TRIM13: variants seen among roughly 807,000 people sequenced by gnomAD.
TRIM13 encodes the protein tripartite motif containing 13.
In TRIM13, 15 loss-of-function variants were observed where a neutral mutation model predicts 27.1. That is an observed-to-expected ratio of 0.55 (90% confidence interval 0.37 to 0.85). The LOEUF (loss-of-function observed/expected upper bound fraction) is 0.85, where lower values mean the gene tolerates loss of function less well. Ranked by LOEUF, TRIM13 falls within the 40% of genes least tolerant of loss-of-function variation. TRIM13 has a pLI of 0.00. For missense variants in TRIM13, 402 were observed against 472.2 expected (o/e 0.85, Z 1.38); for synonymous variants, 193 against 171.5 (o/e 1.13, Z -0.98).
Position 50,012,354 on chromosome 13 carries a change from A to G in TRIM13, c.414A>G (p.Glu138=). The change falls in exon 2 of 2, where the codon GAA becomes GAG. Residue 138 remains glutamate, a synonymous_variant. Coordinates refer to ENST00000378182, the MANE Select transcript of TRIM13 (RefSeq NM_213590.3). ...CTATTGAAGATGCCTATGCTCAGGAAAGGGATGCCTTTGAGTCCCTCTTCC... is the reference window on the plus strand; with the variant it reads ...CTATTGAAGATGCCTATGCTCAGGAGAGGGATGCCTTTGAGTCCCTCTTCC... ...FCSIEDAYAQ[E]RDAFESLFQS... is the part of the protein sequence containing the mutation. 6.2e-7 allele frequency: 1 copy of G among 1,614,128 alleles called. No individual in the cohort carries two copies. The highest frequency in any genetic ancestry group is 8.5e-7 in the Non-Finnish European group (1 of 1,180,006).
chr13:50,009,455 G>A (rs551802600), intron 1 of TRIM13, among the ~76,000 whole-genome samples: 1 of 152,146 alleles, frequency 6.6e-6, no homozygotes, highest in East Asian at 1.9e-4. Context: ...AAAAATCCAC[G>A]GCCAGGCGCG....
rs761736568 is a variant in TRIM13, at chr13:50,015,460, CTGA to C, written c.*2299_*2301del. 3 of 1,471,926 alleles carry C rather than the reference CTGA, an allele frequency of 2.0e-6. No individual in the cohort carries two copies. In the African/African-American group the frequency reaches 4.2e-5, roughly 21 times the overall value. The allele number at this position is 1,471,926 out of a possible 1,614,324, so 91.2% of individuals were successfully genotyped here. On this transcript the variant is annotated 3_prime_UTR_variant, in exon 2 of 2. Coordinates refer to ENST00000378182, the MANE Select transcript of TRIM13 (RefSeq NM_213590.3). The stretch of plus-strand genomic sequence containing the variant: ...TTATAGGTTGATTTCCTAAGTGTGG[CTGA>C]TGGTAGCCTCTAGTTTGAAGTGAGG...
At chr13:50,001,407 G>A (rs1874027176) in intron 1 of TRIM13, among the ~76,000 whole-genome samples, 2 of 152,060 alleles carry the variant, frequency 1.3e-5, no homozygotes, top group African/African-American at 4.8e-5. Context: ...GGTAATGAGT[G>A]ACCTGGTTTA....
In TRIM13 at chr13:49,997,414, C is replaced by T. The variant is rs1009943106; in HGVS notation, c.-356C>T. ...CCTGGCCCCGCTACCAGCGTCTCCA[C>T]ATCCCCTAGAAAAGAAAAGACGGGT... On this transcript the variant is annotated 5_prime_UTR_variant, in exon 1 of 2. Coordinates refer to ENST00000378182, the MANE Select transcript of TRIM13 (RefSeq NM_213590.3). 2.6e-5 allele frequency: 4 copies of T among 152,250 alleles called. No individual in the cohort carries two copies. Among genetic ancestry groups the T allele is most frequent in the African/African-American group, 9.6e-5 (4 of 41,458 alleles). The allele number at this position is 152,250 out of a possible 1,614,324, so 9.4% of individuals were successfully genotyped here. A position where few individuals can be genotyped will look rare whatever the true frequency, so the allele number is the denominator to read the frequency against.
rs1223177030 is a variant in TRIM13, at chr13:50,015,098, T to A, written c.*1934T>A. ...AATAAAAAAAAAAAAAAAAAAAATA[T>A]ATATATATATATATATATATATATA... On this transcript the variant is annotated 3_prime_UTR_variant, in exon 2 of 2. Transcript: ENST00000378182. The A allele has an allele frequency of 0.037, 121 of 3,308 alleles. 2 individuals carry two copies. Among genetic ancestry groups the A allele is most frequent in the African/African-American group, 0.074 (111 of 1,498 alleles). The allele number at this position is 3,308 out of a possible 1,614,324, so 0.2% of individuals were successfully genotyped here.
chr13:49,997,373 C>T lies in TRIM13; in HGVS notation c.-397C>T, dbSNP rs191597442. 2 of 152,522 alleles carry T rather than the reference C, an allele frequency of 1.3e-5. No individual in the cohort carries two copies. The highest frequency in any genetic ancestry group is 2.9e-5 in the Non-Finnish European group (2 of 68,264). 9.4% of individuals were successfully genotyped at this position (152,522 alleles called of 1,614,324 possible). The stretch of plus-strand genomic sequence containing the variant: ...GTGTGTCTGTGGTCCAGAAAACCTG[C>T]TCCGTCCGGAGCCTTCCTGGCCCCG... On this transcript the variant is annotated 5_prime_UTR_variant, in exon 1 of 2. Transcript: ENST00000378182.
Position 50,015,133 on chromosome 13 carries a change from A to AG in TRIM13, c.*1969_*1970insG, listed in dbSNP as rs1876357685. The AG allele has an allele frequency of 1.1e-5, 1 of 89,580 alleles. No individual in the cohort carries two copies. The highest frequency in any genetic ancestry group is 2.2e-5 in the Non-Finnish European group (1 of 44,842). 5.5% of individuals were successfully genotyped at this position (89,580 alleles called of 1,614,324 possible). A position where few individuals can be genotyped will look rare whatever the true frequency, so the allele number is the denominator to read the frequency against. ...TATATATATATATATATATATATAT[A>AG]TATATATATATATATATAGTTTTAC... On this transcript the variant is annotated 3_prime_UTR_variant, in exon 2 of 2. Transcript: ENST00000378182.
chr13:50,008,106 T>G (rs923586254), intron 1 of TRIM13, among the ~76,000 whole-genome samples: 1 of 151,954 alleles, frequency 6.6e-6, no homozygotes, highest in African/African-American at 2.4e-5. Context: ...GGGGTTTTAC[T>G]GTGTTAGCCA....
chr13:50,002,751 C>G (rs2490636), intron 1 of TRIM13, among the ~76,000 whole-genome samples: 5 of 151,708 alleles, frequency 3.3e-5, no homozygotes, highest in Non-Finnish European at 1.5e-5. Context: ...CAACCTCTGC[C>G]GCCTGGGTTC....
At position 50,018,271 on chromosome 13, in the gene TRIM13, C is replaced by T. The variant is rs1876867075; in HGVS notation, c.*5107C>T. 1 of 166,940 alleles carries T rather than the reference C, an allele frequency of 6.0e-6. No individual in the cohort carries two copies. The highest frequency in any genetic ancestry group is 6.5e-5 in the Admixed American group (1 of 15,268). 10.3% of individuals were successfully genotyped at this position (166,940 alleles called of 1,614,324 possible). A position where few individuals can be genotyped will look rare whatever the true frequency, so the allele number is the denominator to read the frequency against. On this transcript the variant is annotated 3_prime_UTR_variant, in exon 2 of 2. Transcript: ENST00000378182. ...CTAGGTGATGTCTTGCAAGTACGTTCCACTTTGTTACAATCTACTATCTGT... is the reference window on the plus strand; with the variant it reads ...CTAGGTGATGTCTTGCAAGTACGTTTCACTTTGTTACAATCTACTATCTGT...
chr13:50,007,198 C>CT (rs1469885840), intron 1 of TRIM13, among the ~76,000 whole-genome samples: 1 of 139,294 alleles, frequency 7.2e-6, no homozygotes, highest in African/African-American at 2.8e-5. Flanking sequence ...AAAAAAAACC[C>CT]AAAAAAATAG....
Position 50,013,571 on chromosome 13 carries a change from G to A in TRIM13, c.*407G>A. The A allele has an allele frequency of 6.4e-6, 1 of 155,824 alleles. No individual in the cohort carries two copies. 9.7% of individuals were successfully genotyped at this position (155,824 alleles called of 1,614,324 possible). A position where few individuals can be genotyped will look rare whatever the true frequency, so the allele number is the denominator to read the frequency against. The stretch of plus-strand genomic sequence containing the variant: ...GGAGTCTTGCTCTGTCGCCCAGGCT[G>A]GAGTGCAGTGATGCAATCTTGGCTC... On this transcript the variant is annotated 3_prime_UTR_variant, in exon 2 of 2. Coordinates refer to ENST00000378182, the MANE Select transcript of TRIM13 (RefSeq NM_213590.3).
chr13:49,999,976 G>A (rs1164964584), intron 1 of TRIM13, among the ~76,000 whole-genome samples: 1 of 152,102 alleles, frequency 6.6e-6, no homozygotes, highest in Non-Finnish European at 1.5e-5. Flanking sequence ...TGCTGGGGGT[G>A]TCTTAGTTTT....
At chr13:49,998,242 GT>G (rs575433681) in intron 1 of TRIM13, among the ~76,000 whole-genome samples, 2 of 151,854 alleles carry the variant, frequency 1.3e-5, no homozygotes, top group Non-Finnish European at 2.9e-5. Context: ...CTAAAAATAC[GT>G]TTTTTTTCCT....
At chr13:49,997,786 T>G (rs1873414325) in intron 1 of TRIM13, 23 bp downstream of exon 1, 1 of 54,820 alleles carries the variant, frequency 1.8e-5, no homozygotes. Context: ...AATTTTCCTG[T>G]GTTATCTTTT....
intron 1 of TRIM13, among the ~76,000 whole-genome samples, chr13:50,005,667 T>TC (rs967507590): frequency 6.8e-6 from 1 of 146,198 alleles, no homozygotes; most frequent in Non-Finnish European, 1.5e-5. Context: ...AGTGCAAGAC[T>TC]CCATCTCTAA....
chr13:50,003,773 ATAG>A lies in TRIM13; in HGVS notation c.-7+6012_-7+6014del, dbSNP rs565119161. On this transcript the variant is annotated intron_variant, in intron 1 of 1. Transcript: ENST00000378182. ...ACAATTTGTTCAAAAAAATAAACTC[ATAG>A]TGGTGGTATGCAACTTTGTTAAAAA... Among the ~76,000 whole-genome samples the A allele has an allele frequency of 7.7e-4, 117 of 152,322 alleles. 2 individuals carry two copies. In the South Asian group the frequency reaches 0.017, roughly 23 times the overall value.
chr13:50,012,542 T>C lies in TRIM13; in HGVS notation c.602T>C (p.Leu201Pro). The C allele has an allele frequency of 6.2e-7, 1 of 1,614,136 alleles. No individual in the cohort carries two copies. Among genetic ancestry groups the C allele is most frequent in the Non-Finnish European group, 8.5e-7 (1 of 1,180,014 alleles). ...HTLDQKKNEILSDFETMKLAV... is the reference protein window; with the variant it reads ...HTLDQKKNEIPSDFETMKLAV... ...CTGGATCAAAAGAAGAATGAAATTC[T>C]GTCTGACTTTGAGACCATGAAACTT... The change falls in exon 2 of 2, where the codon CTG (leucine) becomes CCG (proline). Residue 201 changes from leucine to proline, a missense_variant. Physicochemically the swap from Leu to Pro is moderately conservative, Grantham distance 98 (BLOSUM62 -3). This residue lies in a region of TRIM13 where 202 missense variants were observed against 277.5 expected (regional missense o/e 0.73). Coordinates refer to ENST00000378182, the MANE Select transcript of TRIM13 (RefSeq NM_213590.3).
intron 1 of TRIM13, among the ~76,000 whole-genome samples, chr13:50,005,703 TAAAGGAAG>T (rs757464322): frequency 4.7e-5 from 7 of 147,794 alleles, no homozygotes; most frequent in Non-Finnish European, 7.5e-5. Flanking sequence ...GGCATAAAAC[TAAAGGAAG>T]AAAGGAAGAA....
Sources: allele counts gnomAD v4.1 joint callset (sites outside exome capture counted in the v4.1 genomes callset), GRCh38; gene constraint gnomAD v4.1.1; regional missense constraint gnomAD v4.1.1; transcripts MANE v1.5; gene names NCBI Gene and HGNC (gene_info 2026-07-23, HGNC 2026-07-21).